Variants in CTLA4 observed in about 807,000 individuals in gnomAD.
CTLA4 encodes the protein cytotoxic T-lymphocyte associated protein 4.
A neutral mutation model predicts 20.4 loss-of-function variants in CTLA4; 3 were observed. That is an observed-to-expected ratio of 0.15 (90% confidence interval 0.07 to 0.38). CTLA4 has a LOEUF of 0.38. Among genes scored for constraint, CTLA4 ranks in the 10% least tolerant of loss-of-function variants. The pLI is 1.00. For synonymous variants in CTLA4, 100 were observed against 105.2 expected (o/e 0.95, Z 0.30); for missense variants, 184 against 276.8 (o/e 0.66, Z 2.38).
chr2:203,872,888 C>A lies in CTLA4; in HGVS notation c.*76C>A, dbSNP rs1444972359. The stretch of plus-strand genomic sequence containing the variant: ...CAATTCTAACTTTTTTGCTATCCAG[C>A]TATTTTTATTTGTTTGTGCATTTGG... On this transcript the variant is annotated 3_prime_UTR_variant, in exon 4 of 4. Transcript: ENST00000648405. 2.1e-6 allele frequency: 2 copies of A among 973,886 alleles called. No individual in the cohort carries two copies. Among genetic ancestry groups the A allele is most frequent in the African/African-American group, 1.6e-5 (1 of 61,156 alleles). 60.3% of individuals were successfully genotyped at this position (973,886 alleles called of 1,614,324 possible).
Position 203,870,538 on chromosome 2 carries a change from A to C in CTLA4, c.110-48A>C. The C allele has an allele frequency of 6.3e-7, 1 of 1,588,874 alleles. No homozygotes were observed. The highest frequency in any genetic ancestry group is 8.6e-7 in the Non-Finnish European group (1 of 1,164,470). On this transcript the variant is annotated intron_variant, in intron 1 of 3. Transcript: ENST00000648405. The surrounding 1 kb of genome is among the most constrained non-coding windows in gnomAD (Gnocchi z 5.3). The stretch of plus-strand genomic sequence containing the variant: ...CAGAAGGGCTTGCCTGGGCTTGGCC[A>C]TGAAGGAGCATGAGTTCACTGAGTT...
chr2:203,873,721 A>G lies in CTLA4; in HGVS notation c.*909A>G. Reference sequence around the variant, plus strand: ...CTTGACAGAACACTGTCTTGAAGACAATGGCTTACTCCAGGAGACCCACAG... The same window carrying G: ...CTTGACAGAACACTGTCTTGAAGACGATGGCTTACTCCAGGAGACCCACAG... On this transcript the variant is annotated 3_prime_UTR_variant, in exon 4 of 4. Coordinates refer to ENST00000648405, the MANE Select transcript of CTLA4 (RefSeq NM_005214.5). 1 of 223,462 alleles carries G rather than the reference A, an allele frequency of 4.5e-6. No individual in the cohort carries two copies. Among genetic ancestry groups the G allele is most frequent in the Non-Finnish European group, 9.0e-6 (1 of 111,682 alleles). The allele number at this position is 223,462 out of a possible 1,614,324, so 13.8% of individuals were successfully genotyped here. A position where few individuals can be genotyped will look rare whatever the true frequency, so the allele number is the denominator to read the frequency against.
chr2:203,871,940 C>T (rs541812855), intron 3 of CTLA4, among the ~76,000 whole-genome samples: 114 of 152,306 alleles, frequency 7.5e-4, no homozygotes, highest in African/African-American at 2.2e-3. Flanking sequence ...CCTTCCTTGT[C>T]GAAGCTGTAG....
Position 203,873,132 on chromosome 2 carries a change from G to A in CTLA4, c.*320G>A, listed in dbSNP as rs1313561716. 1 of 494,866 alleles carries A rather than the reference G, an allele frequency of 2.0e-6. No individual in the cohort carries two copies. The highest frequency in any genetic ancestry group is 3.6e-6 in the Non-Finnish European group (1 of 281,402). 30.7% of individuals were successfully genotyped at this position (494,866 alleles called of 1,614,324 possible). On this transcript the variant is annotated 3_prime_UTR_variant, in exon 4 of 4. Coordinates refer to ENST00000648405, the MANE Select transcript of CTLA4 (RefSeq NM_005214.5). ...ATGGCACAGCCCAAAGAAGGAAAAG[G>A]CAGGGAGCGAGGGAGAAGACTATAT...
rs1688712684 is a variant in CTLA4, at chr2:203,870,640, G to A, written c.164G>A (p.Ser55Asn). Reference sequence around the variant, plus strand: ...CTGGCCAGCAGCCGAGGCATCGCCAGCTTTGTGTGTGAGTATGCATCTCCA... The same window carrying A: ...CTGGCCAGCAGCCGAGGCATCGCCAACTTTGTGTGTGAGTATGCATCTCCA... ...VVLASSRGIA[S>N]FVCEYASPGK... The change falls in exon 2 of 4, where the codon AGC becomes AAC. Residue 55 changes from serine (S) to asparagine (N), a missense_variant. By Grantham distance (46) the Ser-to-Asn change is conservative. This residue lies in a region of CTLA4 where 147 missense variants were observed against 223.4 expected (regional missense o/e 0.66). Transcript: ENST00000648405. The surrounding 1 kb of genome is among the most constrained non-coding windows in gnomAD (Gnocchi z 5.3). The A allele has an allele frequency of 6.2e-7, 1 of 1,614,130 alleles. No individual in the cohort carries two copies.
Position 203,870,890 on chromosome 2 carries a change from A to G in CTLA4, c.414A>G (p.Pro138=), listed in dbSNP as rs376126248. ...AGGTGGAGCTCATGTACCCACCGCCATACTACCTGGGCATAGGCAACGGAA... is the reference window on the plus strand; with the variant it reads ...AGGTGGAGCTCATGTACCCACCGCCGTACTACCTGGGCATAGGCAACGGAA... ...ICKVELMYPP[P]YYLGIGNGTQ... Residue 138 remains proline, a synonymous_variant, in exon 2 of 4, where the codon CCA becomes CCG. Coordinates refer to ENST00000648405, the MANE Select transcript of CTLA4 (RefSeq NM_005214.5). This position sits in a 1 kb window ranked among gnomAD's most constrained non-coding sequence, Gnocchi z 5.3. The G allele has an allele frequency of 6.2e-7, 1 of 1,614,076 alleles. No individual in the cohort carries two copies. Among genetic ancestry groups the G allele is most frequent in the African/African-American group, 1.3e-5 (1 of 74,932 alleles).
rs117492436 is a variant in CTLA4, at chr2:203,868,375, A to T, written c.109+324A>T. 3.2e-4 allele frequency among the ~76,000 whole-genome samples: 48 copies of T among 152,322 alleles called. 1 individual carries two copies. In the East Asian group the frequency reaches 8.9e-3, roughly 28 times the overall value. On this transcript the variant is annotated intron_variant, in intron 1 of 3. Coordinates refer to ENST00000648405, the MANE Select transcript of CTLA4 (RefSeq NM_005214.5). Reference sequence around the variant, plus strand: ...GTGATTTAAGAGGGAAAGGATAGCCATAGTCCTGAATACATTTGAGCTGGG... The same window carrying T: ...GTGATTTAAGAGGGAAAGGATAGCCTTAGTCCTGAATACATTTGAGCTGGG...
chr2:203,871,313 T>A, intron 2 of CTLA4, 65 bp from the exon 3 acceptor site: 3 of 1,381,128 alleles, frequency 2.2e-6, no homozygotes, highest in South Asian at 2.4e-5. Flanking sequence ...TTCACCAATG[T>A]TGGGGAGTAG....
Position 203,870,510 on chromosome 2 carries a change from A to C in CTLA4, c.110-76A>C. On this transcript the variant is annotated intron_variant, in intron 1 of 3. Coordinates refer to ENST00000648405, the MANE Select transcript of CTLA4 (RefSeq NM_005214.5). This position sits in a 1 kb window ranked among gnomAD's most constrained non-coding sequence, Gnocchi z 5.3. ...AAAAGGCCGTGGGGATGAAGCTAGA[A>C]GGCAGAAGGGCTTGCCTGGGCTTGG... The C allele has an allele frequency of 6.6e-7, 1 of 1,519,176 alleles. No individual in the cohort carries two copies. Among genetic ancestry groups the C allele is most frequent in the Non-Finnish European group, 9.0e-7 (1 of 1,112,406 alleles). The allele number at this position is 1,519,176 out of a possible 1,614,324, so 94.1% of individuals were successfully genotyped here. A position where few individuals can be genotyped will look rare whatever the true frequency, so the allele number is the denominator to read the frequency against.
rs1688714855 is a variant in CTLA4 at position 203,870,721 on chromosome 2, C to G, written c.245C>G (p.Thr82Ser). Residue 82 changes from threonine to serine, a missense_variant, in exon 2 of 4, where the codon ACT becomes AGT. Thr to Ser is a moderately conservative substitution (Grantham distance 58, BLOSUM62 1). Coordinates refer to ENST00000648405, the MANE Select transcript of CTLA4 (RefSeq NM_005214.5). This position sits in a 1 kb window ranked among gnomAD's most constrained non-coding sequence, Gnocchi z 5.3. ...TVLRQADSQV[T>S]EVCAATYMMG... ...CTTCGGCAGGCTGACAGCCAGGTGA[C>G]TGAAGTCTGTGCGGCAACCTACATG... 1 of 1,614,202 alleles carries G rather than the reference C, an allele frequency of 6.2e-7. No individual in the cohort carries two copies. The highest frequency in any genetic ancestry group is 8.5e-7 in the Non-Finnish European group (1 of 1,180,050).
intron 3 of CTLA4, among the ~76,000 whole-genome samples, chr2:203,872,278 C>T (rs190067755): frequency 3.3e-5 from 5 of 152,246 alleles, no homozygotes; most frequent in African/African-American, 1.2e-4. Context: ...AAGATATACT[C>T]TATTCCAACA....
intron 2 of CTLA4, among the ~76,000 whole-genome samples, 168 bp from the exon 3 acceptor site, chr2:203,871,210 T>C (rs1045315892): frequency 1.3e-5 from 2 of 152,206 alleles, no homozygotes; most frequent in Admixed American, 6.5e-5. Context: ...ATGATGCTCC[T>C]GGGGAAGTAG....
rs759232662 is a variant in CTLA4, at chr2:203,870,787, C to T, written c.311C>T (p.Thr104Met). 8.7e-6 allele frequency: 14 copies of T among 1,614,044 alleles called. 1 individual carries two copies. The highest frequency in any genetic ancestry group is 6.7e-5 in the East Asian group (3 of 44,888). ...ELTFLDDSIC[T>M]GTSSGNQVNL... is the part of the protein sequence containing the mutation. ...ACCTTCCTAGATGATTCCATCTGCA[C>T]GGGCACCTCCAGTGGAAATCAAGTG... Residue 104 changes from threonine to methionine, a missense_variant, in exon 2 of 4, where the codon ACG becomes ATG. Physicochemically the swap from Thr to Met is moderately conservative, Grantham distance 81. This residue lies in a region of CTLA4 where 147 missense variants were observed against 223.4 expected (regional missense o/e 0.66). Transcript: ENST00000648405. This position sits in a 1 kb window ranked among gnomAD's most constrained non-coding sequence, Gnocchi z 5.3.
At chr2:203,869,168 A>T (rs1469063008) in intron 1 of CTLA4, among the ~76,000 whole-genome samples, 1 of 152,178 alleles carries the variant, frequency 6.6e-6, no homozygotes, top group Non-Finnish European at 1.5e-5. Flanking sequence ...TACAATAAAG[A>T]TTATTGAGTG....
rs774909973 is a variant in CTLA4, at chr2:203,867,924, A to G, written c.-19A>G. On this transcript the variant is annotated 5_prime_UTR_variant, in exon 1 of 4. Coordinates refer to ENST00000648405, the MANE Select transcript of CTLA4 (RefSeq NM_005214.5). Reference sequence around the variant, plus strand: ...TTTGCTCTACTTCCTGAAGACCTGAACACCGCTCCCATAAAGCCATGGCTT... The same window carrying G: ...TTTGCTCTACTTCCTGAAGACCTGAGCACCGCTCCCATAAAGCCATGGCTT... The G allele has an allele frequency of 6.2e-7, 1 of 1,602,850 alleles. No individual in the cohort carries two copies. The highest frequency in any genetic ancestry group is 1.1e-5 in the South Asian group (1 of 90,840).
intron 3 of CTLA4, 88 bp from the exon 4 acceptor site, chr2:203,872,620 G>T: frequency 1.4e-6 from 1 of 737,374 alleles, no homozygotes; most frequent in Non-Finnish European, 2.4e-6. Flanking sequence ...AACCAGCTAG[G>T]GACCCAATAT....
At chr2:203,869,732 G>T (rs1220317202) in intron 1 of CTLA4, among the ~76,000 whole-genome samples, 1 of 152,216 alleles carries the variant, frequency 6.6e-6, no homozygotes, top group Non-Finnish European at 1.5e-5. Context: ...AGGTAATTTG[G>T]CATGCAGCCA....
At position 203,872,950 on chromosome 2, in the gene CTLA4, G is replaced by A. The variant is rs1423978711; in HGVS notation, c.*138G>A. The stretch of plus-strand genomic sequence containing the variant: ...CTCTCTTTAATATAAAGTTGGATGC[G>A]GAACCCAAATTACGTGTACTACAAT... On this transcript the variant is annotated 3_prime_UTR_variant, in exon 4 of 4. Coordinates refer to ENST00000648405, the MANE Select transcript of CTLA4 (RefSeq NM_005214.5). The A allele has an allele frequency of 3.9e-5, 25 of 633,438 alleles. No homozygotes were observed. Among genetic ancestry groups the A allele is most frequent in the East Asian group, 2.2e-4 (8 of 36,718 alleles). The allele number at this position is 633,438 out of a possible 1,614,324, so 39.2% of individuals were successfully genotyped here. A position where few individuals can be genotyped will look rare whatever the true frequency, so the allele number is the denominator to read the frequency against.
chr2:203,868,259 C>T (rs1325906856), intron 1 of CTLA4, among the ~76,000 whole-genome samples: 5 of 152,138 alleles, frequency 3.3e-5, no homozygotes, highest in African/African-American at 9.7e-5. Flanking sequence ...CAGAACAGAG[C>T]GCCAGGTATT....
Sources: gnomAD v4.1 joint callset for allele counts (sites outside exome capture counted in the v4.1 genomes callset) on GRCh38, gnomAD v4.1.1 for gene constraint, gnomAD v4.1.1 regional missense constraint, Gnocchi (gnomAD v3.1) non-coding constraint, MANE v1.5 for transcripts, NCBI Gene and HGNC (gene_info 2026-07-23, HGNC 2026-07-21) for gene names.